SELENOT: variants seen among roughly 807,000 people sequenced by gnomAD.
The protein encoded by SELENOT is thioredoxin reductase-like selenoprotein T.
A neutral mutation model predicts 24.3 loss-of-function variants in SELENOT; 9 were observed. The ratio of observed to expected loss-of-function variants is 0.37; its 90% confidence interval spans 0.22 to 0.65. The LOEUF (loss-of-function observed/expected upper bound fraction) is 0.65, where lower values mean the gene tolerates loss of function less well. Ranked by LOEUF, SELENOT falls within the 30% of genes least tolerant of loss-of-function variation. The probability of loss-of-function intolerance (pLI) is 0.60; values close to 1 mark genes in which losing one functional copy is unlikely to be tolerated. For synonymous variants in SELENOT, 81 were observed against 86.0 expected, an observed-to-expected ratio of 0.94 and a Z score of 0.32; for missense variants, 166 against 247.6, an observed-to-expected ratio of 0.67 and a Z score of 2.21.
At position 150,603,592 on chromosome 3, in the gene SELENOT, G is replaced by C. The variant is rs1391322316; in HGVS notation, c.137+93G>C. 11 of 1,363,866 alleles carry C rather than the reference G, an allele frequency of 8.1e-6. No homozygotes were observed. The South Asian group carries it at 1.0e-4, about 13-fold the overall frequency. The allele number at this position is 1,363,866 out of a possible 1,614,324, so 84.5% of individuals were successfully genotyped here. On this transcript the variant is annotated intron_variant, in intron 1 of 5. Transcript: ENST00000471696. ...CCCCGGCTTCGCGGCCTAAATGGCCGCATCTTCGCTGGCCTCGTAGAACTG... is the reference window on the plus strand; with the variant it reads ...CCCCGGCTTCGCGGCCTAAATGGCCCCATCTTCGCTGGCCTCGTAGAACTG...
chr3:150,621,277 CA>C (rs368840175), intron 1 of SELENOT, among the ~76,000 whole-genome samples: 13 of 152,178 alleles, frequency 8.5e-5, no homozygotes, highest in South Asian at 2.1e-4. Context: ...ACACCCCCCC[CA>C]AAAAACACAG....
At position 150,603,348 on chromosome 3, in the gene SELENOT, G is replaced by A. The variant is rs1455588391; in HGVS notation, c.-15G>A. ...AGTCTGTCTGAGGGCGGCCGAAGTG[G>A]CTGGCTCATTTAAGATGAGGCTTCT... On this transcript the variant is annotated 5_prime_UTR_variant, in exon 1 of 6. Coordinates refer to ENST00000471696, the MANE Select transcript of SELENOT (RefSeq NM_016275.5). 1.6e-5 allele frequency: 26 copies of A among 1,606,942 alleles called. No individual in the cohort carries two copies. The highest frequency in any genetic ancestry group is 9.4e-5 in the African/African-American group (7 of 74,816).
At chr3:150,611,856 G>C (rs1443019316) in intron 1 of SELENOT, 1 of 955,750 alleles carries the variant, frequency 1.0e-6, no homozygotes, top group Non-Finnish European at 1.6e-6. Flanking sequence ...CCTCCCCACT[G>C]CCCAGGCGTG....
At chr3:150,627,335 A>G (rs896126690) in intron 5 of SELENOT, among the ~76,000 whole-genome samples, 172 bp downstream of exon 5, 1 of 152,242 alleles carries the variant, frequency 6.6e-6, no homozygotes, top group Non-Finnish European at 1.5e-5. Context: ...CCCTGCCAAA[A>G]TAAAGTCAGG....
At position 150,603,462 on chromosome 3, in the gene SELENOT, C is replaced by T; in HGVS notation, c.100C>T (p.Gln34Ter). Residue 34 changes from glutamine to a stop codon, truncating the protein, a stop_gained, in exon 1 of 6, where the codon CAG (glutamine) becomes TAG (stop). Transcript: ENST00000471696. LOFTEE classifies it high-confidence loss of function. ...GGVPSKRLKM[Q>*]YATGPLLKFQ... ...CGTGCCCAGCAAGAGATTAAAGATGCAGTACGCCACGGGGCCGCTGCTCAA... is the reference window on the plus strand; with the variant it reads ...CGTGCCCAGCAAGAGATTAAAGATGTAGTACGCCACGGGGCCGCTGCTCAA... 1 of 1,611,516 alleles carries T rather than the reference C, an allele frequency of 6.2e-7. No individual in the cohort carries two copies. The highest frequency in any genetic ancestry group is 8.5e-7 in the Non-Finnish European group (1 of 1,178,300).
At position 150,623,078 on chromosome 3, in the gene SELENOT, T is replaced by G. The variant is rs1169092908; in HGVS notation, c.284T>G (p.Val95Gly). The G allele has an allele frequency of 1.2e-6, 2 of 1,600,976 alleles. No individual in the cohort carries two copies. The highest frequency in any genetic ancestry group is 2.7e-5 in the African/African-American group (2 of 74,458). ...TCTTTCCTGTCAGTCTTCAAACTAG[T>G]ATTAATAGGCTTAATAATTGTTGGC... The part of the protein sequence containing the change: ...IASFLSVFKL[V>G]LIGLIIVGKD... Residue 95 changes from valine to glycine, a missense_variant, in exon 3 of 6, where the codon GTA becomes GGA. Around this residue, in one of 5 missense-constraint regions of SELENOT, gnomAD observed 71 missense variants for 89.2 expected, o/e 0.80. Transcript: ENST00000471696.
At chr3:150,615,848 A>G (rs1268989824) in intron 1 of SELENOT, among the ~76,000 whole-genome samples, 18 of 149,814 alleles carry the variant, frequency 1.2e-4, no homozygotes, top group African/African-American at 3.9e-4. Flanking sequence ...GGAAAAAACT[A>G]CTTTAAAGTT....
At chr3:150,612,957 A>G (rs979395513) in intron 1 of SELENOT, among the ~76,000 whole-genome samples, 1 of 152,216 alleles carries the variant, frequency 6.6e-6, no homozygotes, top group Non-Finnish European at 1.5e-5. Flanking sequence ...CACAAACTCC[A>G]GCTTATCTAT....
In SELENOT at chr3:150,603,438, G is replaced by C. The variant is rs11548663; in HGVS notation, c.76G>C (p.Val26Leu). The C allele has an allele frequency of 2.0e-5, 32 of 1,613,184 alleles. No individual in the cohort carries two copies. In the African/African-American group the frequency reaches 2.4e-4, roughly 12 times the overall value. The change falls in exon 1 of 6, where the codon GTG (valine) becomes CTG (leucine). Residue 26 changes from valine to leucine, a missense_variant. This residue lies in a region of SELENOT where 46 missense variants were observed against 49.3 expected (regional missense o/e 0.93). Transcript: ENST00000471696. ...CGAGGCCTCGGCCAATCTGGGCGGCGTGCCCAGCAAGAGATTAAAGATGCA... is the reference window on the plus strand; with the variant it reads ...CGAGGCCTCGGCCAATCTGGGCGGCCTGCCCAGCAAGAGATTAAAGATGCA... ...RSEASANLGG[V>L]PSKRLKMQYA...
chr3:150,615,999 GAGATAT>G, intron 1 of SELENOT, among the ~76,000 whole-genome samples: 1 of 151,974 alleles, frequency 6.6e-6, no homozygotes, highest in Non-Finnish European at 1.5e-5. Flanking sequence ...TACCAAAACA[GAGATAT>G]AGATCAATGG....
Position 150,627,320 on chromosome 3 carries a change from T to G in SELENOT, c.*29+157T>G, listed in dbSNP as rs1002511690. Reference sequence around the variant, plus strand: ...AAAATGTTGAAGTGTATGAAGAGAGTTCGGCCCTGCCAAAATAAAGTCAGG... The same window carrying G: ...AAAATGTTGAAGTGTATGAAGAGAGGTCGGCCCTGCCAAAATAAAGTCAGG... On this transcript the variant is annotated intron_variant, in intron 5 of 5. Transcript: ENST00000471696. Among the ~76,000 whole-genome samples the G allele has an allele frequency of 3.9e-5, 6 of 152,292 alleles. No homozygotes were observed. In the East Asian group the frequency reaches 9.6e-4, roughly 24 times the overall value.
chr3:150,612,882 A>G (rs956067648), intron 1 of SELENOT, among the ~76,000 whole-genome samples: 1 of 152,248 alleles, frequency 6.6e-6, no homozygotes, highest in Non-Finnish European at 1.5e-5. Flanking sequence ...TTTCTGAAGC[A>G]GAGTTTTTAA....
At chr3:150,622,645 A>T (rs991187338) in intron 2 of SELENOT, 150 bp downstream of exon 2, 2 of 422,656 alleles carry the variant, frequency 4.7e-6, no homozygotes, top group African/African-American at 2.1e-5. Context: ...TAACAAGTTT[A>T]TTTGACCCAA....
At chr3:150,625,101 C>A (rs1487158139) in intron 4 of SELENOT, among the ~76,000 whole-genome samples, 1 of 151,222 alleles carries the variant, frequency 6.6e-6, no homozygotes, top group Admixed American at 6.6e-5. Context: ...TCAACTTAAT[C>A]TCTTTATCTC....
chr3:150,603,699 A>C (rs1559894167), intron 1 of SELENOT, 200 bp downstream of exon 1: 1 of 567,766 alleles, frequency 1.8e-6, no homozygotes, highest in South Asian at 2.4e-5. Flanking sequence ...ATAACTGCTC[A>C]CTTGTTTTTT....
In SELENOT at chr3:150,618,154, C is replaced by G. The variant is rs116303245; in HGVS notation, c.138-4231C>G. ...TTACAGCACTGCACTGGCCGATAGT[C>G]ACTTTTTAAAATCCCAGTTCTTCAT... On this transcript the variant is annotated intron_variant, in intron 1 of 5. Transcript: ENST00000471696. Among the ~76,000 whole-genome samples, 271 of 152,284 alleles carry G rather than the reference C, an allele frequency of 1.8e-3. 5 individuals are homozygous for G. Among genetic ancestry groups the G allele is most frequent in the African/African-American group, 6.3e-3 (262 of 41,558 alleles).
At chr3:150,624,280 T>A (rs1332664687) in intron 3 of SELENOT, among the ~76,000 whole-genome samples, 1 of 152,202 alleles carries the variant, frequency 6.6e-6, no homozygotes, top group Non-Finnish European at 1.5e-5. Flanking sequence ...TCTCACTGCA[T>A]CCTACTTTTA....
chr3:150,605,051 A>C (rs1725930360), intron 1 of SELENOT, among the ~76,000 whole-genome samples: 1 of 151,776 alleles, frequency 6.6e-6, no homozygotes, highest in African/African-American at 2.4e-5. Context: ...AAAAAAAAAA[A>C]AAACCTCCCT....
rs1189016415 is a variant in SELENOT, at chr3:150,627,847, T to C, written c.*218T>C. ...TCTGCACATTCATGGAGTGCAATAATACTGTATAGCTTTCCCCACCTCCCA... is the reference window on the plus strand; with the variant it reads ...TCTGCACATTCATGGAGTGCAATAACACTGTATAGCTTTCCCCACCTCCCA... On this transcript the variant is annotated 3_prime_UTR_variant, in exon 6 of 6. Coordinates refer to ENST00000471696, the MANE Select transcript of SELENOT (RefSeq NM_016275.5). The C allele has an allele frequency of 6.6e-6, 1 of 152,370 alleles. No homozygotes were observed. The highest frequency in any genetic ancestry group is 1.5e-5 in the Non-Finnish European group (1 of 68,030). 9.4% of individuals were successfully genotyped at this position (152,370 alleles called of 1,614,324 possible). A position where few individuals can be genotyped will look rare whatever the true frequency, so the allele number is the denominator to read the frequency against.
Sources: allele counts gnomAD v4.1 joint callset (sites outside exome capture counted in the v4.1 genomes callset), GRCh38; gene constraint gnomAD v4.1.1; regional missense constraint gnomAD v4.1.1; transcripts MANE v1.5; gene names NCBI Gene and HGNC (gene_info 2026-07-23, HGNC 2026-07-21).